Variants in HOPX observed in about 807,000 individuals in gnomAD.
HOPX encodes HOP homeobox.
In HOPX, 5 loss-of-function variants were observed where a neutral mutation model predicts 11.8. That is an observed-to-expected ratio of 0.43 (90% CI 0.22 to 0.89). The LOEUF (loss-of-function observed/expected upper bound fraction) is 0.89, where lower values mean the gene tolerates loss of function less well. HOPX is among the 40% of genes least tolerant of loss of function. The pLI, the probability that HOPX is intolerant of heterozygous loss-of-function variation, is 0.28. For synonymous variants in HOPX, 49 were observed against 49.7 expected, an observed-to-expected ratio of 0.99 and a Z score of 0.06; for missense variants, 119 against 120.0, an observed-to-expected ratio of 0.99 and a Z score of 0.04.
At chr4:56,670,252 G>T (rs919991848) in intron 1 of HOPX, among the ~76,000 whole-genome samples, 2 of 152,118 alleles carry the variant, frequency 1.3e-5, no homozygotes, top group African/African-American at 4.8e-5. Context: ...TTTCAAACCA[G>T]GTAATAGAGA....
chr4:56,657,712 G>T, intron 2 of HOPX, 63 bp downstream of exon 2: 4 of 743,836 alleles, frequency 5.4e-6, no homozygotes, highest in Non-Finnish European at 9.8e-6. Context: ...CTTCTTCTGT[G>T]TGCACCCATT....
chr4:56,666,272 G>A (rs979511205), intron 1 of HOPX, among the ~76,000 whole-genome samples: 5 of 152,112 alleles, frequency 3.3e-5, no homozygotes, highest in Non-Finnish European at 7.3e-5. Flanking sequence ...TACAGCATCT[G>A]ATAGAATAGA....
At chr4:56,667,432 G>GT (rs375052620) in intron 1 of HOPX, among the ~76,000 whole-genome samples, 46 of 150,822 alleles carry the variant, frequency 3.0e-4, no homozygotes, top group African/African-American at 7.5e-4. Context: ...AGGACAAACT[G>GT]TTTTTTTTTC....
chr4:56,681,502 G>A (rs1719323626), upstream of HOPX: 1 of 998,150 alleles, frequency 1.0e-6, no homozygotes, highest in Non-Finnish European at 1.2e-6. Context: ...ACTTCTGAGA[G>A]TCTCATGGAA....
In HOPX at chr4:56,651,867, A is replaced by AGTGTGTGTGTTTGTGT. The variant is rs1357851813; in HGVS notation, c.199-3071_199-3070insACACAAACACACACAC. 7.1e-4 allele frequency among the ~76,000 whole-genome samples: 91 copies of AGTGTGTGTGTTTGTGT among 128,432 alleles called. 1 individual carries two copies. The highest frequency in any genetic ancestry group is 3.7e-3 in the Middle Eastern group (1 of 268). 84.3% of individuals were successfully genotyped at this position (128,432 alleles called of 152,430 possible). On this transcript the variant is annotated intron_variant, in intron 3 of 3. Coordinates refer to ENST00000420433, the MANE Select transcript of HOPX (RefSeq NM_032495.6). The stretch of plus-strand genomic sequence containing the variant: ...GAAAGGGAGAGAGAGAAAGAGAGAG[A>AGTGTGTGTGTTTGTGT]GAGAGAGTGTGTGTGTGTGTGTGTG...
At chr4:56,675,431 T>G (rs1245932671) in intron 1 of HOPX, among the ~76,000 whole-genome samples, 1 of 151,622 alleles carries the variant, frequency 6.6e-6, no homozygotes, top group Non-Finnish European at 1.5e-5. Flanking sequence ...ATAATTCCAC[T>G]GGGACAATGA....
chr4:56,679,519 C>T (rs189891214), intron 1 of HOPX: 11 of 151,676 alleles, frequency 7.3e-5, no homozygotes, highest in African/African-American at 2.7e-4. Flanking sequence ...GCTCTGTCGC[C>T]CAGGCTGGAG....
At chr4:56,655,239 A>C (rs2109474224) in intron 3 of HOPX, among the ~76,000 whole-genome samples, 1 of 152,260 alleles carries the variant, frequency 6.6e-6, no homozygotes, top group Non-Finnish European at 1.5e-5. Flanking sequence ...ATCGGAACCA[A>C]ATCTCCGTGG....
chr4:56,651,878 G>GTT (rs1560360824), intron 3 of HOPX, among the ~76,000 whole-genome samples: 5 of 107,518 alleles, frequency 4.7e-5, no homozygotes, highest in African/African-American at 1.4e-4. Context: ...GAGAGAGTGT[G>GTT]TGTGTGTGTG....
At chr4:56,654,101 G>A (rs1198302018) in intron 3 of HOPX, among the ~76,000 whole-genome samples, 1 of 152,180 alleles carries the variant, frequency 6.6e-6, no homozygotes, top group Non-Finnish European at 1.5e-5. Context: ...GGCTTCCAGG[G>A]TTCAAATCCT....
At position 56,648,493 on chromosome 4, in the gene HOPX, T is replaced by C. The variant is rs1716857007; in HGVS notation, c.*227A>G. 2.6e-6 allele frequency: 1 copy of C among 387,786 alleles called. No individual in the cohort carries two copies. The highest frequency in any genetic ancestry group is 2.0e-5 in the African/African-American group (1 of 48,790). The allele number at this position is 387,786 out of a possible 1,614,324, so 24.0% of individuals were successfully genotyped here. On this transcript the variant is annotated 3_prime_UTR_variant, in exon 4 of 4. Transcript: ENST00000420433. Reference sequence around the variant, plus strand: ...AGGGAAATGCTAGCCACACCATTTTTCCAGTGAAGCCACTGCTTTACACAG... The same window carrying C: ...AGGGAAATGCTAGCCACACCATTTTCCCAGTGAAGCCACTGCTTTACACAG...
intron 1 of HOPX, among the ~76,000 whole-genome samples, chr4:56,678,509 G>A (rs1234888840): frequency 2.8e-5 from 4 of 140,410 alleles, no homozygotes; most frequent in Non-Finnish European, 6.0e-5. Flanking sequence ...GCAGTGGCAC[G>A]ATCTCCGCTC....
intron 1 of HOPX, chr4:56,672,940 G>A (rs1185853130): frequency 3.3e-5 from 5 of 152,198 alleles, no homozygotes; most frequent in Non-Finnish European, 4.4e-5. Context: ...ACATGGAGAA[G>A]CTTGTAAATG....
upstream of HOPX, chr4:56,681,609 G>A (rs1465321919): frequency 1.3e-5 from 13 of 999,902 alleles, no homozygotes; most frequent in South Asian, 2.8e-4. Flanking sequence ...AGAGAAGACG[G>A]GGAAGAGAAA....
chr4:56,678,833 A>T (rs1249078748), intron 1 of HOPX: 1 of 152,054 alleles, frequency 6.6e-6, no homozygotes, highest in Non-Finnish European at 1.5e-5. Context: ...TCCCAGTTCT[A>T]TAAAAGTCTA....
At position 56,650,801 on chromosome 4, in the gene HOPX, C is replaced by T. The variant is rs779245089; in HGVS notation, c.199-2004G>A. 3 of 1,548,656 alleles carry T rather than the reference C, an allele frequency of 1.9e-6. No individual in the cohort carries two copies. The South Asian group carries it at 3.6e-5, about 19-fold the overall frequency. The stretch of plus-strand genomic sequence containing the variant: ...GGTGCCATATTTTGCTCCTGGAGAT[C>T]AAATCACTACCCTTCATGAGAAGAG... On this transcript the variant is annotated intron_variant, in intron 3 of 3. Coordinates refer to ENST00000420433, the MANE Select transcript of HOPX (RefSeq NM_032495.6).
At chr4:56,654,502 C>A (rs1048123420) in intron 3 of HOPX, among the ~76,000 whole-genome samples, 3 of 152,194 alleles carry the variant, frequency 2.0e-5, no homozygotes, top group Non-Finnish European at 2.9e-5. Context: ...AGCAGGCTGC[C>A]TTCTCAGGGG....
intron 1 of HOPX, among the ~76,000 whole-genome samples, chr4:56,670,538 C>A (rs751546103): frequency 1.3e-5 from 2 of 152,060 alleles, no homozygotes; most frequent in African/African-American, 2.4e-5. Context: ...TTTTGGAGTA[C>A]GTTATTAATT....
At chr4:56,655,114 T>A (rs903496647) in intron 3 of HOPX, among the ~76,000 whole-genome samples, 1 of 152,182 alleles carries the variant, frequency 6.6e-6, no homozygotes. Flanking sequence ...AGTCAATGAA[T>A]GCACTTAGGG....
Sources: gnomAD v4.1 joint callset for allele counts (sites outside exome capture counted in the v4.1 genomes callset) on GRCh38, gnomAD v4.1.1 for gene constraint, MANE v1.5 for transcripts, NCBI Gene and HGNC (gene_info 2026-07-23, HGNC 2026-07-21) for gene names.